The following ESR1 variants were observed in gnomAD, a reference collection of about 807,000 sequenced individuals.
ESR1 encodes estrogen receptor 1.
A neutral mutation model predicts 52.7 loss-of-function variants in ESR1; 12 were observed. The observed-to-expected ratio is 0.23, with a 90% CI of 0.15 to 0.37. ESR1 has a LOEUF of 0.37. Ranked by LOEUF, ESR1 falls within the 10% of genes least tolerant of loss-of-function variation. The pLI, the probability that ESR1 is intolerant of heterozygous loss-of-function variation, is 1.00. For synonymous variants in ESR1, 305 were observed against 316.8 expected, an observed-to-expected ratio of 0.96 and a Z score of 0.39; for missense variants, 584 against 779.7, an observed-to-expected ratio of 0.75 and a Z score of 2.99.
intron 2 of ESR1, among the ~76,000 whole-genome samples, chr6:151,798,482 G>C (rs6914569): frequency 0.022 from 3,426 of 152,288 alleles, 52 homozygotes; most frequent in African/African-American, 0.05. Flanking sequence ...CTACTGACAA[G>C]TGTCACTAAA....
chr6:152,059,343 A>T (rs1371762253), intron 5 of ESR1, among the ~76,000 whole-genome samples: 1 of 151,960 alleles, frequency 6.6e-6, no homozygotes, highest in South Asian at 2.1e-4. Context: ...CTTTGCTTTT[A>T]AAAGCAAGAC....
At chr6:151,826,508 T>C (rs530086432) in intron 1 of ESR1, among the ~76,000 whole-genome samples, 1 of 152,360 alleles carries the variant, frequency 6.6e-6, no homozygotes, top group Admixed American at 6.5e-5. Context: ...TCCTACTGGA[T>C]ACTTGATCCT....
At chr6:152,096,637 G>A in intron 7 of ESR1, 2 of 456,036 alleles carry the variant, frequency 4.4e-6, no homozygotes, top group Non-Finnish European at 8.8e-6. Context: ...GTAAGAAGGT[G>A]ATTGCAATCT....
chr6:151,786,384 C>T lies in ESR1; in HGVS notation c.-70-21459C>T, dbSNP rs184750947. Reference sequence around the variant, plus strand: ...AAGCACGCTGCAGGGCAGGAACTCACTGTGCTGGCAAAGGTGAGCTGGAGA... The same window carrying T: ...AAGCACGCTGCAGGGCAGGAACTCATTGTGCTGGCAAAGGTGAGCTGGAGA... On this transcript the variant is annotated intron_variant, in intron 2 of 2. Transcript: ENST00000404742. 1.1e-3 allele frequency among the ~76,000 whole-genome samples: 161 copies of T among 152,312 alleles called. 1 individual carries two copies. Among genetic ancestry groups the T allele is most frequent in the African/African-American group, 3.6e-3 (151 of 41,578 alleles).
intron 4 of ESR1, among the ~76,000 whole-genome samples, chr6:152,003,338 T>TTGTGTG (rs529797103): frequency 1.9e-4 from 24 of 128,632 alleles, no homozygotes; most frequent in African/African-American, 7.0e-4. Context: ...AAAAGGGTAA[T>TTGTGTG]TATGTGTGTG....
chr6:151,856,196 C>A (rs1787795685), intron 2 of ESR1, among the ~76,000 whole-genome samples: 1 of 151,930 alleles, frequency 6.6e-6, no homozygotes. Context: ...TAAAGATGCT[C>A]CTAAAGAGGA....
chr6:151,999,699 G>A (rs569526857), intron 4 of ESR1, among the ~76,000 whole-genome samples: 4 of 152,086 alleles, frequency 2.6e-5, no homozygotes, highest in East Asian at 1.9e-4. Flanking sequence ...AAGATGTAAT[G>A]AGACAGTCTT....
chr6:151,808,911 AT>A (rs1292842010), intron 1 of ESR1, among the ~76,000 whole-genome samples: 1 of 152,128 alleles, frequency 6.6e-6, no homozygotes, highest in Non-Finnish European at 1.5e-5. Flanking sequence ...CTGGGAAGCG[AT>A]TCCTGTCACC....
chr6:151,978,230 GA>G (rs1185554350), intron 4 of ESR1, among the ~76,000 whole-genome samples: 1 of 152,054 alleles, frequency 6.6e-6, no homozygotes, highest in African/African-American at 2.4e-5. Flanking sequence ...TAATTATAGT[GA>G]AAAAAGTTAT....
chr6:151,775,910 G>A (rs984677856), intron 2 of ESR1, among the ~76,000 whole-genome samples: 3 of 152,200 alleles, frequency 2.0e-5, no homozygotes, highest in Non-Finnish European at 4.4e-5. Context: ...TCAGGCCCAG[G>A]GGTCTGGTTT....
At position 151,811,668 on chromosome 6, in the gene ESR1, T is replaced by A. The variant is rs1010841102; in HGVS notation, c.452+3304T>A. Among the ~76,000 whole-genome samples the A allele has an allele frequency of 2.6e-5, 4 of 152,200 alleles. 1 individual carries two copies. The highest frequency in any genetic ancestry group is 4.4e-5 in the Non-Finnish European group (3 of 68,014). Reference sequence around the variant, plus strand: ...AGATTTAAGTGACTAAGTTTCAAGTTTCCGATACATTTTTCCTTTTACTTA... The same window carrying A: ...AGATTTAAGTGACTAAGTTTCAAGTATCCGATACATTTTTCCTTTTACTTA... On this transcript the variant is annotated intron_variant, in intron 1 of 7. Transcript: ENST00000206249.
intron 5 of ESR1, among the ~76,000 whole-genome samples, chr6:152,054,853 A>C (rs759241746): frequency 6.6e-6 from 1 of 152,176 alleles, no homozygotes; most frequent in Non-Finnish European, 1.5e-5. Context: ...CAAATGCTAC[A>C]TACTATTTGT....
intron 3 of ESR1, among the ~76,000 whole-genome samples, chr6:151,935,144 C>T (rs1282407713): frequency 6.6e-6 from 1 of 152,156 alleles, no homozygotes; most frequent in Non-Finnish European, 1.5e-5. Flanking sequence ...CATGATGTAA[C>T]TTTGTCAAGA....
At chr6:151,704,910 G>A (rs1307250466) in intron 2 of ESR1, among the ~76,000 whole-genome samples, 2 of 151,194 alleles carry the variant, frequency 1.3e-5, no homozygotes, top group Non-Finnish European at 2.9e-5. Context: ...TGGGTTTCCA[G>A]GTTATGTATG....
At chr6:151,753,888 C>T (rs1326791994) in intron 2 of ESR1, among the ~76,000 whole-genome samples, 1 of 152,158 alleles carries the variant, frequency 6.6e-6, no homozygotes, top group African/African-American at 2.4e-5. Flanking sequence ...TGGGCCTGTT[C>T]CTAGAATCCA....
chr6:151,867,268 A>T (rs1310479874), intron 2 of ESR1, among the ~76,000 whole-genome samples: 3 of 152,178 alleles, frequency 2.0e-5, no homozygotes, highest in Non-Finnish European at 4.4e-5. Context: ...GACAAATGGG[A>T]TCTAATTAAA....
chr6:152,112,506 T>G (rs2051156915), intron 6 of ESR1, among the ~76,000 whole-genome samples: 1 of 152,118 alleles, frequency 6.6e-6, no homozygotes, highest in Non-Finnish European at 1.5e-5. Context: ...AGAAAGGGCT[T>G]AACAATGCCC....
intron 6 of ESR1, among the ~76,000 whole-genome samples, chr6:152,091,709 G>A (rs2050193944): frequency 6.6e-6 from 1 of 152,070 alleles, no homozygotes; most frequent in Non-Finnish European, 1.5e-5. Flanking sequence ...GTCTCTTGGG[G>A]TCGCTGAGGT....
chr6:152,034,491 C>G (rs1488535446), intron 5 of ESR1, among the ~76,000 whole-genome samples: 1 of 151,396 alleles, frequency 6.6e-6, no homozygotes, highest in East Asian at 2.0e-4. Context: ...TAGAGTTTGT[C>G]TGCTGTGTGT....
Sources: allele counts gnomAD v4.1 joint callset (sites outside exome capture counted in the v4.1 genomes callset), GRCh38; gene constraint gnomAD v4.1.1; transcripts MANE v1.5; gene names NCBI Gene and HGNC (gene_info 2026-07-23, HGNC 2026-07-21).